Variants in NCCRP1 observed in about 807,000 individuals in gnomAD.
The protein encoded by NCCRP1 is F-box only protein 50.
Under a neutral mutation model 34.4 loss-of-function variants are expected in NCCRP1, and 32 were observed. The ratio of observed to expected loss-of-function variants is 0.93; its 90% CI spans 0.70 to 1.25. NCCRP1 has a LOEUF of 1.25. Among genes scored for constraint, NCCRP1 ranks in the 50% most tolerant of loss-of-function variants. The pLI, the probability that NCCRP1 is intolerant of heterozygous loss-of-function variation, is 0.00. For missense variants in NCCRP1, 372 were observed against 391.8 expected, an observed-to-expected ratio of 0.95 and a Z score of 0.43; for synonymous variants, 172 against 180.1, an observed-to-expected ratio of 0.95 and a Z score of 0.36.
chr19:39,200,947 A>C lies in NCCRP1; in HGVS notation c.*191A>C. ...GTCTGAGCCCCATGAGGGCGGAGCC[A>C]CTCCTTGTAAATTCAGTGCCCGACA... is the stretch of plus-strand genomic sequence containing the variant. On this transcript the variant is annotated 3_prime_UTR_variant, in exon 6 of 6. Transcript: ENST00000339852. The surrounding 1 kb of genome is among the most constrained non-coding windows in gnomAD (Gnocchi z 5.8). The C allele has an allele frequency of 3.1e-6, 2 of 639,426 alleles. No homozygotes were observed. Among genetic ancestry groups the C allele is most frequent in the Non-Finnish European group, 2.6e-6 (1 of 386,108 alleles). 39.6% of individuals were successfully genotyped at this position (639,426 alleles called of 1,614,324 possible).
chr19:39,197,089 C>T lies in NCCRP1; in HGVS notation c.107C>T (p.Pro36Leu), dbSNP rs1318181722. ...TCGCCACGGTCGCCTTCACCGCCGC[C>T]GTCGCCGCCACCACTGCCCTCGCCG... Reference protein sequence around the residue: ...PPSPRSPSPPPSPPPLPSPPS... With the variant: ...PPSPRSPSPPLSPPPLPSPPS... Residue 36 changes from proline to leucine, a missense_variant, in exon 1 of 6, where the codon CCG (proline) becomes CTG (leucine). By Grantham distance (98) the Pro-to-Leu change is moderately conservative. Coordinates refer to ENST00000339852, the MANE Select transcript of NCCRP1 (RefSeq NM_001001414.2). 1 of 1,528,720 alleles carries T rather than the reference C, an allele frequency of 6.5e-7. No individual in the cohort carries two copies. The highest frequency in any genetic ancestry group is 2.5e-5 in the East Asian group (1 of 40,024). The allele number at this position is 1,528,720 out of a possible 1,614,324, so 94.7% of individuals were successfully genotyped here. A position where few individuals can be genotyped will look rare whatever the true frequency, so the allele number is the denominator to read the frequency against.
chr19:39,199,144 C>T lies in NCCRP1; in HGVS notation c.453-26C>T, dbSNP rs553062668. On this transcript the variant is annotated intron_variant, in intron 3 of 5. Transcript: ENST00000339852. ...CTGGATCCTGGCAGATCGCAGACCC[C>T]GCCTCTCCCGGCCCTTCTTTCACAG... 2.1e-5 allele frequency: 33 copies of T among 1,607,300 alleles called. No individual in the cohort carries two copies. In the East Asian group the frequency reaches 2.2e-4, roughly 11 times the overall value.
intron 3 of NCCRP1, among the ~76,000 whole-genome samples, chr19:39,198,765 G>A (rs1346736898): frequency 1.3e-5 from 2 of 152,180 alleles, no homozygotes; most frequent in South Asian, 2.1e-4. Context: ...GGCTATTCTT[G>A]TTATTGTTGT....
rs1229204852 is a variant in NCCRP1, at chr19:39,198,086, G to T, written c.371G>T (p.Gly124Val). 6.2e-7 allele frequency: 1 copy of T among 1,613,984 alleles called. No individual in the cohort carries two copies. Among genetic ancestry groups the T allele is most frequent in the Non-Finnish European group, 8.5e-7 (1 of 1,180,034 alleles). ...ATTTATGAGCCAGCACCCCCTACTG[G>T]TCCCACCCAGCGACCCCTGGAAACT... ...INIYEPAPPT[G>V]PTQRPLETLG... is the part of the protein sequence containing the mutation. Residue 124 changes from glycine (G) to valine (V), a missense_variant, in exon 2 of 6, where the codon GGT becomes GTT. By Grantham distance (109) the Gly-to-Val change is moderately radical (BLOSUM62 -3). Coordinates refer to ENST00000339852, the MANE Select transcript of NCCRP1 (RefSeq NM_001001414.2).
At chr19:39,198,362 C>T in intron 3 of NCCRP1, 109 bp downstream of exon 3, 1 of 1,186,040 alleles carries the variant, frequency 8.4e-7, no homozygotes, top group Non-Finnish European at 1.2e-6. Flanking sequence ...ATTTCCTGCT[C>T]TGTAAACAGG....
chr19:39,199,400 AC>A (rs1201782013), intron 4 of NCCRP1, 135 bp downstream of exon 4: 1 of 678,416 alleles, frequency 1.5e-6, no homozygotes, highest in Non-Finnish European at 2.5e-6. Flanking sequence ...TGCCCTGCCC[AC>A]CTCCCTGGCC....
chr19:39,199,047 G>A (rs2074775146), intron 3 of NCCRP1, 123 bp from the exon 4 acceptor site: 1 of 797,438 alleles, frequency 1.3e-6, no homozygotes, highest in South Asian at 1.5e-5. Context: ...AGTGGAAGGT[G>A]CTGAGGGAGC....
At position 39,201,732 on chromosome 19, in the gene NCCRP1, C is replaced by T. The variant is rs1472736323; in HGVS notation, c.*976C>T. 3 of 152,238 alleles carry T rather than the reference C, an allele frequency of 2.0e-5. No homozygotes were observed. The highest frequency in any genetic ancestry group is 4.4e-5 in the Non-Finnish European group (3 of 68,072). 9.4% of individuals were successfully genotyped at this position (152,238 alleles called of 1,614,324 possible). On this transcript the variant is annotated 3_prime_UTR_variant, in exon 6 of 6. Coordinates refer to ENST00000339852, the MANE Select transcript of NCCRP1 (RefSeq NM_001001414.2). ...CCCTTTGTGTATCTCCTCCAGCTAC[C>T]GCAGAGCCCACAAACCCAGGCATCT...
intron 3 of NCCRP1, among the ~76,000 whole-genome samples, chr19:39,198,871 G>C (rs1429425956): frequency 6.6e-6 from 1 of 152,150 alleles, no homozygotes; most frequent in Non-Finnish European, 1.5e-5. Context: ...TAGATGAGCT[G>C]GTGTGACTTG....
chr19:39,199,522 T>C (rs940415090), intron 4 of NCCRP1, among the ~76,000 whole-genome samples: 7 of 123,910 alleles, frequency 5.6e-5, no homozygotes, highest in Non-Finnish European at 1.1e-4. Context: ...TTTTTTTTTT[T>C]TTTTTTTTTT....
chr19:39,199,482 C>CTTTTCTTT, intron 4 of NCCRP1, among the ~76,000 whole-genome samples: 1 of 123,004 alleles, frequency 8.1e-6, no homozygotes, highest in African/African-American at 3.0e-5. Flanking sequence ...ATTTCTTTTT[C>CTTTTCTTT]TTTTCTTTTT....
rs1568541910 is a variant in NCCRP1, at chr19:39,198,133, C to G, written c.400+18C>G. On this transcript the variant is annotated intron_variant, in intron 2 of 5. Coordinates refer to ENST00000339852, the MANE Select transcript of NCCRP1 (RefSeq NM_001001414.2). ...AACTCTGGGTAAGTGCTTGGAGGGC[C>G]AGGTTGCTGAGGGTGGGGAGGGTCC... 3 of 1,614,198 alleles carry G rather than the reference C, an allele frequency of 1.9e-6. No individual in the cohort carries two copies. Among genetic ancestry groups the G allele is most frequent in the Non-Finnish European group, 2.5e-6 (3 of 1,180,032 alleles).
chr19:39,197,140 C>T lies in NCCRP1; in HGVS notation c.158C>T (p.Pro53Leu), dbSNP rs988797224. The change falls in exon 1 of 6, where the codon CCG (proline) becomes CTG (leucine). Residue 53 changes from proline to leucine, a missense_variant. Transcript: ENST00000339852. ...SPPSLPSPAA[P>L]EAPELPEPAQ... ...CCGTCGCTGCCATCGCCCGCAGCCC[C>T]GGAGGCCCCCGAGCTCCCCGAGCCG... The T allele has an allele frequency of 1.3e-5, 19 of 1,496,172 alleles. No individual in the cohort carries two copies. Among genetic ancestry groups the T allele is most frequent in the Middle Eastern group, 2.4e-4 (1 of 4,222 alleles). 92.7% of individuals were successfully genotyped at this position (1,496,172 alleles called of 1,614,324 possible).
At position 39,197,316 on chromosome 19, in the gene NCCRP1, G is replaced by A. The variant is rs2074766871; in HGVS notation, c.334G>A (p.Glu112Lys). The A allele has an allele frequency of 5.5e-6, 8 of 1,459,656 alleles. No individual in the cohort carries two copies. Among genetic ancestry groups the A allele is most frequent in the Non-Finnish European group, 7.2e-6 (8 of 1,117,778 alleles). The allele number at this position is 1,459,656 out of a possible 1,614,324, so 90.4% of individuals were successfully genotyped here. The change falls in exon 1 of 6, where the codon GAA becomes AAA. Residue 112 changes from glutamate (E) to lysine (K), a missense_variant. By Grantham distance (56) the Glu-to-Lys change is moderately conservative. Transcript: ENST00000339852. Reference protein sequence around the residue: ...YRNLLRSPNPEGINIYEPAPP... With the variant: ...YRNLLRSPNPKGINIYEPAPP... Reference sequence around the variant, plus strand: ...CAACCTGCTGCGCTCGCCCAACCCCGAAGGTGCGCAAGGGCCCAGAGCAGC... The same window carrying A: ...CAACCTGCTGCGCTCGCCCAACCCCAAAGGTGCGCAAGGGCCCAGAGCAGC...
At chr19:39,198,751 G>A (rs1415682118) in intron 3 of NCCRP1, among the ~76,000 whole-genome samples, 2 of 152,070 alleles carry the variant, frequency 1.3e-5, no homozygotes, top group African/African-American at 2.4e-5. Context: ...GAGCCACCGC[G>A]CCTGGCTATT....
At chr19:39,199,498 C>T (rs28703900) in intron 4 of NCCRP1, among the ~76,000 whole-genome samples, 30 of 81,236 alleles carry the variant, frequency 3.7e-4, no homozygotes, top group Admixed American at 7.8e-4. Flanking sequence ...TTTTTTTTTT[C>T]TTTTTTCTTT....
Position 39,201,464 on chromosome 19 carries a change from C to A in NCCRP1, c.*708C>A, listed in dbSNP as rs1465072974. On this transcript the variant is annotated 3_prime_UTR_variant, in exon 6 of 6. Transcript: ENST00000339852. ...TAGCTGGGATTACAGGTGCACAGCA[C>A]CTCCCCCGACTAATTTTTATATTTT... 1.3e-5 allele frequency: 2 copies of A among 152,162 alleles called. No individual in the cohort carries two copies. Among genetic ancestry groups the A allele is most frequent in the Non-Finnish European group, 2.9e-5 (2 of 68,050 alleles). 9.4% of individuals were successfully genotyped at this position (152,162 alleles called of 1,614,324 possible).
chr19:39,198,015 G>A, intron 1 of NCCRP1, 38 bp from the exon 2 acceptor site: 2 of 1,609,774 alleles, frequency 1.2e-6, no homozygotes, highest in Non-Finnish European at 1.7e-6. Context: ...GGAAGATGGA[G>A]GGGCTGCCCA....
chr19:39,197,186 C>T lies in NCCRP1; in HGVS notation c.204C>T (p.His68=), dbSNP rs773409337. The change falls in exon 1 of 6, where the codon CAC becomes CAT. Residue 68 remains histidine, a synonymous_variant. Transcript: ENST00000339852. ...AGCCGGCGCAGCCGTCCGAGGCTCA[C>T]GCCCGGCAGCTGCTGCTGGAGGAGT... The part of the protein sequence containing the change: ...LPEPAQPSEA[H]ARQLLLEEWG... 87 of 1,426,594 alleles carry T rather than the reference C, an allele frequency of 6.1e-5. No individual in the cohort carries two copies. The African/African-American group carries it at 1.2e-3, about 20-fold the overall frequency. The allele number at this position is 1,426,594 out of a possible 1,614,324, so 88.4% of individuals were successfully genotyped here.
Sources: allele counts gnomAD v4.1 joint callset (sites outside exome capture counted in the v4.1 genomes callset), GRCh38; gene constraint gnomAD v4.1.1; non-coding constraint Gnocchi (gnomAD v3.1); transcripts MANE v1.5; gene names NCBI Gene and HGNC (gene_info 2026-07-23, HGNC 2026-07-21).